The following KYNU variants were observed in gnomAD, a reference collection of about 807,000 sequenced individuals.
The protein encoded by KYNU is kynureninase.
KYNU carries 54 observed loss-of-function variants against 59.2 expected under a neutral mutation model. The ratio of observed to expected loss-of-function variants is 0.91; its 90% CI spans 0.73 to 1.14. KYNU has a LOEUF of 1.14. KYNU is among the 50% of genes most tolerant of loss of function. The probability of loss-of-function intolerance (pLI) is 0.00; values close to 1 mark genes in which losing one functional copy is unlikely to be tolerated. For synonymous variants in KYNU, 177 were observed against 192.0 expected (o/e 0.92, Z 0.65); for missense variants, 567 against 554.4 (o/e 1.02, Z -0.23).
chr2:142,949,763 G>A (rs887355332), intron 4 of KYNU, among the ~76,000 whole-genome samples: 3 of 152,150 alleles, frequency 2.0e-5, no homozygotes, highest in Non-Finnish European at 4.4e-5. Context: ...CATTGTCTTG[G>A]GGATTAACAT....
At position 143,034,401 on chromosome 2, in the gene KYNU, C is replaced by A. The variant is rs1013520679; in HGVS notation, c.1041+1080C>A. 4.5e-4 allele frequency among the ~76,000 whole-genome samples: 69 copies of A among 152,158 alleles called. 1 individual carries two copies. The highest frequency in any genetic ancestry group is 4.5e-3 in the Admixed American group (69 of 15,268). On this transcript the variant is annotated intron_variant, in intron 12 of 13. Transcript: ENST00000264170. ...ACAGGATGAAGATTCAAAATTCCTT[C>A]TAATCTAAAATTGCATAATTCTGTG...
At chr2:142,969,472 G>A (rs1684650288) in intron 8 of KYNU, among the ~76,000 whole-genome samples, 1 of 151,676 alleles carries the variant, frequency 6.6e-6, no homozygotes, top group Admixed American at 6.6e-5. Flanking sequence ...ATCCATGCAG[G>A]TGGAAGCCTA....
chr2:143,017,373 G>C (rs539861305), intron 10 of KYNU, among the ~76,000 whole-genome samples: 17 of 146,306 alleles, frequency 1.2e-4, no homozygotes, highest in Non-Finnish European at 1.0e-4. Flanking sequence ...GCGTATAACT[G>C]TTCTCTTTTC....
intron 2 of KYNU, among the ~76,000 whole-genome samples, chr2:142,892,417 G>A (rs973052900): frequency 6.6e-6 from 1 of 152,178 alleles, no homozygotes; most frequent in South Asian, 2.1e-4. Flanking sequence ...AAACACACAA[G>A]AGAAAGCATA....
chr2:142,995,610 C>T (rs1196855347), intron 10 of KYNU, among the ~76,000 whole-genome samples: 1 of 152,078 alleles, frequency 6.6e-6, no homozygotes, highest in African/African-American at 2.4e-5. Flanking sequence ...TGTTTAATGG[C>T]ATGGCATGCC....
At chr2:143,008,286 C>A (rs1239014400) in intron 10 of KYNU, among the ~76,000 whole-genome samples, 58 of 109,654 alleles carry the variant, frequency 5.3e-4, no homozygotes, top group South Asian at 1.0e-3. Flanking sequence ...GACTTTAAAC[C>A]AACAAAGATC....
At chr2:143,033,093 A>T in intron 11 of KYNU, 143 bp from the exon 12 acceptor site, 1 of 716,172 alleles carries the variant, frequency 1.4e-6, no homozygotes. Flanking sequence ...TTTTAGTTCC[A>T]TGGAGCTTAT....
At chr2:142,880,147 G>A (rs1472166003) in intron 1 of KYNU, among the ~76,000 whole-genome samples, 1 of 152,202 alleles carries the variant, frequency 6.6e-6, no homozygotes, top group African/African-American at 2.4e-5. Context: ...CTGTCTAAAT[G>A]AGATGTCTAT....
intron 10 of KYNU, among the ~76,000 whole-genome samples, chr2:143,024,231 T>C (rs1018065850): frequency 1.3e-4 from 20 of 151,976 alleles, no homozygotes; most frequent in African/African-American, 4.8e-4. Flanking sequence ...GGATAGTGAG[T>C]AAAACTATGT....
chr2:142,967,743 A>G (rs986498891), intron 8 of KYNU, among the ~76,000 whole-genome samples: 2 of 152,182 alleles, frequency 1.3e-5, no homozygotes, highest in Non-Finnish European at 2.9e-5. Flanking sequence ...TCAAGCCTCA[A>G]ATTTCTACAG....
intron 8 of KYNU, among the ~76,000 whole-genome samples, chr2:142,977,372 G>GAGATATATATATATAT (rs1553484697): frequency 1.5e-5 from 2 of 131,152 alleles, no homozygotes; most frequent in African/African-American, 2.9e-5. Context: ...ATTTTGTGTG[G>GAGATATATATATATAT]ATATATATAT....
chr2:142,963,262 T>C (rs1295942319), intron 8 of KYNU, among the ~76,000 whole-genome samples: 1 of 152,174 alleles, frequency 6.6e-6, no homozygotes, highest in African/African-American at 2.4e-5. Flanking sequence ...AAAAAAGTAT[T>C]TCCAATACTC....
chr2:142,955,460 A>G (rs1684131426), intron 5 of KYNU, among the ~76,000 whole-genome samples: 2 of 152,030 alleles, frequency 1.3e-5, no homozygotes, highest in African/African-American at 4.8e-5. Context: ...TCATTTTTTC[A>G]AGTATGTTTT....
At chr2:143,025,719 A>G (rs923204905) in intron 10 of KYNU, among the ~76,000 whole-genome samples, 1 of 152,080 alleles carries the variant, frequency 6.6e-6, no homozygotes, top group Non-Finnish European at 1.5e-5. Flanking sequence ...TCCTATGCAG[A>G]TTCCACCCAA....
intron 10 of KYNU, among the ~76,000 whole-genome samples, chr2:142,988,497 A>G (rs1009191811): frequency 6.6e-6 from 1 of 151,874 alleles, no homozygotes; most frequent in Admixed American, 6.6e-5. Context: ...TGGCCTTCCT[A>G]CCATCTTACT....
At chr2:142,897,599 C>T (rs1681922942) in intron 2 of KYNU, among the ~76,000 whole-genome samples, 1 of 152,142 alleles carries the variant, frequency 6.6e-6, no homozygotes, top group South Asian at 2.1e-4. Context: ...CTTTCTATTA[C>T]TACTTATAAT....
In KYNU at chr2:142,954,830, G is replaced by A; in HGVS notation, c.394G>A (p.Ala132Thr). ...TACAGGAGCCAATGAGAAAGAAATAGCCCTAATGAATGCTTTGACTGTAAA... is the reference window on the plus strand; with the variant it reads ...TACAGGAGCCAATGAGAAAGAAATAACCCTAATGAATGCTTTGACTGTAAA... ...DIVGANEKEI[A>T]LMNALTVNLH... Residue 132 changes from alanine to threonine, a missense_variant, in exon 5 of 14, where the codon GCC (alanine) becomes ACC (threonine). Ala to Thr is a moderately conservative substitution (Grantham distance 58). Coordinates refer to ENST00000264170, the MANE Select transcript of KYNU (RefSeq NM_003937.3). 1 of 1,600,996 alleles carries A rather than the reference G, an allele frequency of 6.2e-7. No homozygotes were observed. The highest frequency in any genetic ancestry group is 8.6e-7 in the Non-Finnish European group (1 of 1,168,508).
chr2:142,960,640 G>T lies in KYNU; in HGVS notation c.599G>T (p.Arg200Ile), dbSNP rs1228998959. Residue 200 changes from arginine to isoleucine, a missense_variant, in exon 8 of 14, where the codon AGA becomes ATA. Transcript: ENST00000264170. ...IKPREGEETL[R>I]IEDILEVIEK... ...TTGATTTAGGGGGAAGAAACCTTAA[G>T]AATAGAGGATATCCTTGAAGTAATT... 6.2e-7 allele frequency: 1 copy of T among 1,613,750 alleles called. No homozygotes were observed. Among genetic ancestry groups the T allele is most frequent in the East Asian group, 2.2e-5 (1 of 44,852 alleles).
At chr2:142,952,970 A>C (rs1684040068) in intron 4 of KYNU, among the ~76,000 whole-genome samples, 1 of 152,152 alleles carries the variant, frequency 6.6e-6, no homozygotes, top group African/African-American at 2.4e-5. Context: ...TGCAAATAAC[A>C]GGGAGTCAAG....
Sources: gnomAD v4.1 joint callset for allele counts (sites outside exome capture counted in the v4.1 genomes callset) on GRCh38, gnomAD v4.1.1 for gene constraint, MANE v1.5 for transcripts, NCBI Gene and HGNC (gene_info 2026-07-23, HGNC 2026-07-21) for gene names.